Variants in TBC1D32 observed in about 807,000 individuals in gnomAD.
The protein encoded by TBC1D32 is TBC1 domain family member 32.
In TBC1D32, 151 loss-of-function variants were observed where a neutral mutation model predicts 170.3. The ratio of observed to expected loss-of-function variants is 0.89; its 90% CI spans 0.78 to 1.01. The LOEUF (loss-of-function observed/expected upper bound fraction) is 1.01, where lower values mean the gene tolerates loss of function less well. Among genes scored for constraint, TBC1D32 ranks in the 50% least tolerant of loss-of-function variants. TBC1D32 has a pLI of 0.00. For missense variants in TBC1D32, 1,464 were observed against 1,457.1 expected, an observed-to-expected ratio of 1.00 and a Z score of -0.08; for synonymous variants, 498 against 488.0, an observed-to-expected ratio of 1.02 and a Z score of -0.27.
intron 22 of TBC1D32, among the ~76,000 whole-genome samples, chr6:121,183,886 A>G (rs746124979): frequency 6.6e-6 from 1 of 152,058 alleles, no homozygotes; most frequent in Non-Finnish European, 1.5e-5. Context: ...AACCCTCTGA[A>G]ATACTAAACA....
At chr6:121,259,824 G>A (rs1462880157) in intron 15 of TBC1D32, among the ~76,000 whole-genome samples, 1 of 152,160 alleles carries the variant, frequency 6.6e-6, no homozygotes, top group African/African-American at 2.4e-5. Flanking sequence ...CAGAAGAGCT[G>A]CCTGAAAGCC....
chr6:121,142,267 T>C (rs893227011), intron 24 of TBC1D32, among the ~76,000 whole-genome samples: 1 of 152,246 alleles, frequency 6.6e-6, no homozygotes, highest in African/African-American at 2.4e-5. Flanking sequence ...ATGCATAAGA[T>C]CAGAGAAAGG....
chr6:121,168,331 G>A (rs1459934189), intron 22 of TBC1D32, among the ~76,000 whole-genome samples: 3 of 141,716 alleles, frequency 2.1e-5, no homozygotes, highest in African/African-American at 7.9e-5. Context: ...AACAATGATA[G>A]ACTGGATTAA....
At chr6:121,134,970 C>CT (rs1378123653) in intron 24 of TBC1D32, among the ~76,000 whole-genome samples, 3 of 152,082 alleles carry the variant, frequency 2.0e-5, no homozygotes, top group Non-Finnish European at 2.9e-5. Context: ...GCCCCCCTGA[C>CT]TGTTCTTGCT....
intron 5 of TBC1D32, among the ~76,000 whole-genome samples, chr6:121,306,664 G>T (rs1484976694): frequency 2.0e-5 from 3 of 152,032 alleles, no homozygotes; most frequent in African/African-American, 7.2e-5. Flanking sequence ...GGATAATCAG[G>T]GGTTTTCTTT....
intron 24 of TBC1D32, among the ~76,000 whole-genome samples, chr6:121,142,125 G>T (rs1782868548): frequency 6.6e-6 from 1 of 152,226 alleles, no homozygotes. Context: ...AGCTTAGGGG[G>T]GCTGCAAACT....
intron 22 of TBC1D32, among the ~76,000 whole-genome samples, chr6:121,172,205 CCT>C (rs377212145): frequency 1.6e-3 from 236 of 152,190 alleles, no homozygotes; most frequent in Non-Finnish European, 2.9e-3. Flanking sequence ...GTCCATTAAA[CCT>C]CTTTTTCTTT....
chr6:121,170,380 CTCT>C, intron 22 of TBC1D32: 1 of 1,575,100 alleles, frequency 6.3e-7, no homozygotes, highest in Non-Finnish European at 8.6e-7. Flanking sequence ...ACTGCTGTTA[CTCT>C]GTTTTAATCA....
intron 22 of TBC1D32, among the ~76,000 whole-genome samples, chr6:121,188,984 T>C (rs1017720722): frequency 2.0e-5 from 3 of 152,152 alleles, no homozygotes; most frequent in African/African-American, 7.2e-5. Context: ...CTAAACTGTC[T>C]TTTTTAAAAA....
intron 20 of TBC1D32, among the ~76,000 whole-genome samples, chr6:121,232,511 G>C (rs1189639291): frequency 6.6e-6 from 1 of 152,054 alleles, no homozygotes; most frequent in Non-Finnish European, 1.5e-5. Flanking sequence ...ATTGCTTTGG[G>C]AAGTATAGCC....
chr6:121,214,726 C>T (rs1158554434), intron 21 of TBC1D32, among the ~76,000 whole-genome samples: 1 of 152,190 alleles, frequency 6.6e-6, no homozygotes, highest in Non-Finnish European at 1.5e-5. Flanking sequence ...CTCTTCTCTC[C>T]TTCTCATTGC....
At chr6:121,289,947 T>C (rs542280237) in intron 12 of TBC1D32, among the ~76,000 whole-genome samples, 2 of 152,198 alleles carry the variant, frequency 1.3e-5, no homozygotes, top group Non-Finnish European at 1.5e-5. Context: ...GATAGACATA[T>C]GTAGAAAGCT....
At chr6:121,216,881 T>C (rs1413793729) in intron 21 of TBC1D32, among the ~76,000 whole-genome samples, 1 of 152,130 alleles carries the variant, frequency 6.6e-6, no homozygotes, top group Non-Finnish European at 1.5e-5. Context: ...CCACATAGGC[T>C]CTCTGACTGC....
chr6:121,249,642 A>C (rs1190373234), intron 17 of TBC1D32, among the ~76,000 whole-genome samples: 2 of 152,160 alleles, frequency 1.3e-5, no homozygotes, highest in Non-Finnish European at 2.9e-5. Flanking sequence ...ATCAAAGTAC[A>C]CAAATCAGTA....
Position 121,298,082 on chromosome 6 carries a change from C to A in TBC1D32, c.1140+1364G>T, listed in dbSNP as rs74612802. 8.8e-3 allele frequency among the ~76,000 whole-genome samples: 1,345 copies of A among 152,098 alleles called. 25 individuals carry two copies. Among genetic ancestry groups the A allele is most frequent in the African/African-American group, 0.031 (1,271 of 41,512 alleles). On this transcript the variant is annotated intron_variant, in intron 10 of 31. Transcript: ENST00000398212. Reference sequence around the variant, plus strand: ...ATTCTGAAAATACAATGGGAATAAACAGATCTTGCATCATTTTCCCCAATG... The same window carrying A: ...ATTCTGAAAATACAATGGGAATAAAAAGATCTTGCATCATTTTCCCCAATG...
At chr6:121,144,016 A>C (rs1783126705) in intron 24 of TBC1D32, among the ~76,000 whole-genome samples, 1 of 152,160 alleles carries the variant, frequency 6.6e-6, no homozygotes, top group Non-Finnish European at 1.5e-5. Flanking sequence ...ATTGCTGCCT[A>C]GATCATGCTG....
At position 121,141,366 on chromosome 6, in the gene TBC1D32, TA is replaced by T. The variant is rs1343710218; in HGVS notation, c.2774-9615del. Among the ~76,000 whole-genome samples the T allele has an allele frequency of 2.0e-5, 3 of 152,204 alleles. No homozygotes were observed. The East Asian group carries it at 5.8e-4, about 29-fold the overall frequency. The stretch of plus-strand genomic sequence containing the variant: ...GAGCAAAGGATCAGAGGCATAAGCC[TA>T]ATGTCTTTTAAGGAGTGAAGTTTGC... On this transcript the variant is annotated intron_variant, in intron 24 of 31. Coordinates refer to ENST00000398212, the MANE Select transcript of TBC1D32 (RefSeq NM_152730.6).
chr6:121,197,686 T>C (rs753587482), intron 22 of TBC1D32, among the ~76,000 whole-genome samples: 1 of 152,196 alleles, frequency 6.6e-6, no homozygotes, highest in Non-Finnish European at 1.5e-5. Context: ...GGCGTAATTA[T>C]GATCTTATTA....
chr6:121,331,407 A>G (rs1424788740), intron 1 of TBC1D32, among the ~76,000 whole-genome samples: 1 of 150,138 alleles, frequency 6.7e-6, no homozygotes, highest in Non-Finnish European at 1.5e-5. Context: ...TTCAGTAGAG[A>G]CAGGGTTTCA....
Sources: gnomAD v4.1 joint callset for allele counts (sites outside exome capture counted in the v4.1 genomes callset) on GRCh38, gnomAD v4.1.1 for gene constraint, MANE v1.5 for transcripts, NCBI Gene and HGNC (gene_info 2026-07-23, HGNC 2026-07-21) for gene names.